The following SLC39A11 variants were observed in gnomAD, a reference collection of about 807,000 sequenced individuals.
The protein encoded by SLC39A11 is solute carrier family 39 member 11.
SLC39A11 carries 33 observed loss-of-function variants against 36.1 expected under a neutral mutation model. That is an observed-to-expected ratio of 0.91 (90% CI 0.69 to 1.22). SLC39A11 has a LOEUF of 1.22. Among genes scored for constraint, SLC39A11 ranks in the 50% most tolerant of loss-of-function variants. The pLI is 0.00. For synonymous variants in SLC39A11, 166 were observed against 170.3 expected, an observed-to-expected ratio of 0.97 and a Z score of 0.20; for missense variants, 432 against 430.3, an observed-to-expected ratio of 1.00 and a Z score of -0.03.
At chr17:72,980,498 A>C (rs1337361377) in intron 4 of SLC39A11, among the ~76,000 whole-genome samples, 1 of 152,178 alleles carries the variant, frequency 6.6e-6, no homozygotes, top group East Asian at 1.9e-4. Flanking sequence ...AGAAATTTGA[A>C]ACAAAGCTTG....
At chr17:72,769,649 A>T (rs1029006023) in intron 6 of SLC39A11, among the ~76,000 whole-genome samples, 1 of 151,330 alleles carries the variant, frequency 6.6e-6, no homozygotes, top group African/African-American at 2.4e-5. Flanking sequence ...GGTTCAAGTG[A>T]TTCTCCTGTC....
rs189798743 is a variant in SLC39A11, at chr17:72,841,385, G to T, written c.601+8249C>A. Among the ~76,000 whole-genome samples, 16 of 152,318 alleles carry T rather than the reference G, an allele frequency of 1.1e-4. No homozygotes were observed. In the East Asian group the frequency reaches 3.1e-3, roughly 29 times the overall value. On this transcript the variant is annotated intron_variant, in intron 6 of 9. Coordinates refer to ENST00000255559, the MANE Select transcript of SLC39A11 (RefSeq NM_139177.4). ...CAGCCACATAAATGAATGAGATCCG[G>T]TCATTTGCAACAACATGGATGGAAC... is the stretch of plus-strand genomic sequence containing the variant.
chr17:72,922,363 A>C (rs1386151940), intron 5 of SLC39A11, among the ~76,000 whole-genome samples: 1 of 152,236 alleles, frequency 6.6e-6, no homozygotes, highest in Non-Finnish European at 1.5e-5. Flanking sequence ...TCCAGAACAT[A>C]TAGTGCTCTG....
At chr17:72,893,338 A>T (rs2081857425) in intron 5 of SLC39A11, among the ~76,000 whole-genome samples, 1 of 152,052 alleles carries the variant, frequency 6.6e-6, no homozygotes, top group African/African-American at 2.4e-5. Context: ...ACACATGCCT[A>T]TAATCCCAGC....
At chr17:72,687,787 C>T (rs1018126366) in intron 7 of SLC39A11, among the ~76,000 whole-genome samples, 3 of 152,202 alleles carry the variant, frequency 2.0e-5, no homozygotes, top group South Asian at 2.1e-4. Context: ...TGCCAAGACC[C>T]GGCTGGATGC....
intron 6 of SLC39A11, among the ~76,000 whole-genome samples, chr17:72,826,912 G>C (rs1421200941): frequency 6.6e-6 from 1 of 152,140 alleles, no homozygotes; most frequent in Non-Finnish European, 1.5e-5. Flanking sequence ...AATGAAAAAT[G>C]GTGCATCACT....
intron 6 of SLC39A11, among the ~76,000 whole-genome samples, chr17:72,776,237 C>T (rs2076126541): frequency 6.6e-6 from 1 of 152,208 alleles, no homozygotes; most frequent in Non-Finnish European, 1.5e-5. Flanking sequence ...CATTCTTTCC[C>T]CATCCCATGA....
intron 6 of SLC39A11, among the ~76,000 whole-genome samples, chr17:72,793,009 A>C (rs564991485): frequency 6.6e-6 from 1 of 152,284 alleles, no homozygotes; most frequent in East Asian, 1.9e-4. Context: ...ACAAAAATAC[A>C]AACAGAGCAT....
At chr17:72,991,328 T>A (rs1041716236) in intron 4 of SLC39A11, among the ~76,000 whole-genome samples, 1 of 152,136 alleles carries the variant, frequency 6.6e-6, no homozygotes, top group African/African-American at 2.4e-5. Context: ...GTATGTAGCA[T>A]TCGGCAACTT....
chr17:72,662,914 A>G (rs1029906829), intron 7 of SLC39A11, among the ~76,000 whole-genome samples: 2 of 152,220 alleles, frequency 1.3e-5, no homozygotes, highest in Admixed American at 6.5e-5. Flanking sequence ...ACTGGAAACC[A>G]TGCAAGTGCC....
intron 5 of SLC39A11, among the ~76,000 whole-genome samples, chr17:72,893,132 A>C (rs1256752164): frequency 1.3e-5 from 2 of 152,226 alleles, no homozygotes; most frequent in Admixed American, 1.3e-4. Context: ...AAAAGAAAAG[A>C]AAAAGGAAAA....
At chr17:73,044,074 C>T (rs988716018) in intron 3 of SLC39A11, among the ~76,000 whole-genome samples, 3 of 152,042 alleles carry the variant, frequency 2.0e-5, no homozygotes, top group Non-Finnish European at 4.4e-5. Flanking sequence ...TTCTTAGCTA[C>T]GCCTACCCAG....
intron 6 of SLC39A11, among the ~76,000 whole-genome samples, chr17:72,780,412 A>G (rs1307801301): frequency 2.6e-5 from 4 of 151,460 alleles, no homozygotes; most frequent in Non-Finnish European, 5.9e-5. Flanking sequence ...CGTCAATGTC[A>G]ATGTTGATTT....
chr17:72,919,428 G>A (rs537869280), intron 5 of SLC39A11, among the ~76,000 whole-genome samples: 2 of 152,178 alleles, frequency 1.3e-5, no homozygotes, highest in African/African-American at 2.4e-5. Context: ...GATGAATAGC[G>A]TAGAGGGGCT....
In SLC39A11 at chr17:73,004,227, G is replaced by GAAAGAAAGAAAGAAAGAAAGAAAGAAAGA. The variant is rs1555674238; in HGVS notation, c.306+27328_306+27329insTCTTTCTTTCTTTCTTTCTTTCTTTCTTT. 5.4e-5 allele frequency among the ~76,000 whole-genome samples: 5 copies of GAAAGAAAGAAAGAAAGAAAGAAAGAAAGA among 92,436 alleles called. 1 individual carries two copies. The highest frequency in any genetic ancestry group is 1.7e-4 in the African/African-American group (4 of 23,994). 60.6% of individuals were successfully genotyped at this position (92,436 alleles called of 152,430 possible). A position where few individuals can be genotyped will look rare whatever the true frequency, so the allele number is the denominator to read the frequency against. ...AGAAAGAAAGAAAGAAAGAAAGAAA[G>GAAAGAAAGAAAGAAAGAAAGAAAGAAAGA]AAAGAAAAGAAAGAAAGAGAAAAAG... On this transcript the variant is annotated intron_variant, in intron 4 of 9. Transcript: ENST00000255559.
intron 6 of SLC39A11, among the ~76,000 whole-genome samples, chr17:72,787,253 CTTTT>C (rs56100121): frequency 3.0e-4 from 24 of 80,484 alleles, no homozygotes; most frequent in African/African-American, 1.2e-3. Context: ...TAACCCATGG[CTTTT>C]TTTTTTTTTT....
chr17:72,656,091 T>C (rs931243453), intron 7 of SLC39A11, among the ~76,000 whole-genome samples: 1 of 152,064 alleles, frequency 6.6e-6, no homozygotes, highest in African/African-American at 2.4e-5. Flanking sequence ...CCCTCCCTCC[T>C]TTACGCTCTG....
intron 5 of SLC39A11, among the ~76,000 whole-genome samples, chr17:72,888,613 G>A (rs2081556715): frequency 6.6e-6 from 1 of 152,174 alleles, no homozygotes; most frequent in African/African-American, 2.4e-5. Flanking sequence ...TCCAAGATAA[G>A]TGTTGAGGCC....
chr17:72,843,700 G>A (rs1476249385), intron 6 of SLC39A11, among the ~76,000 whole-genome samples: 1 of 152,136 alleles, frequency 6.6e-6, no homozygotes, highest in Non-Finnish European at 1.5e-5. Flanking sequence ...CCATTGTATG[G>A]CATTTTGTAA....
Sources: gnomAD v4.1 joint callset for allele counts (sites outside exome capture counted in the v4.1 genomes callset) on GRCh38, gnomAD v4.1.1 for gene constraint, MANE v1.5 for transcripts, NCBI Gene and HGNC (gene_info 2026-07-23, HGNC 2026-07-21) for gene names.